SYNPO: variants seen among roughly 807,000 people sequenced by gnomAD.
SYNPO encodes synaptopodin.
In SYNPO, 19 loss-of-function variants were observed where a neutral mutation model predicts 49.5. The observed-to-expected ratio is 0.38, with a 90% CI of 0.27 to 0.56. The LOEUF (loss-of-function observed/expected upper bound fraction) is 0.56. SYNPO is among the 20% of genes least tolerant of loss of function. The probability of loss-of-function intolerance (pLI) is 0.68; values close to 1 mark genes in which losing one functional copy is unlikely to be tolerated. For missense variants in SYNPO, 1,131 were observed against 1,248.3 expected (o/e 0.91, Z 1.42); for synonymous variants, 536 against 548.0 (o/e 0.98, Z 0.31).
chr5:150,586,893 T>G, the SYNPO span, among the ~76,000 whole-genome samples: 1 of 152,152 alleles, frequency 6.6e-6, no homozygotes, highest in Non-Finnish European at 1.5e-5. Context: ...TATGTATATG[T>G]GGATTCATGG....
chr5:150,628,036 C>CTGTGTGTGTGTGTGTGTG (rs3062926), intron 2 of SYNPO, among the ~76,000 whole-genome samples: 39 of 142,038 alleles, frequency 2.7e-4, no homozygotes, highest in African/African-American at 1.1e-3. Flanking sequence ...GTGTGTGTTT[C>CTGTGTGTGTGTGTGTGTG]TGTGTGTGTG....
At chr5:150,618,049 G>A (rs1000162677) in intron 1 of SYNPO, 2 of 242,976 alleles carry the variant, frequency 8.2e-6, no homozygotes, top group Non-Finnish European at 1.6e-5. Flanking sequence ...AATTCAGCCT[G>A]GAACCCCAAG....
chr5:150,628,364 T>G (rs1757432256), intron 2 of SYNPO, among the ~76,000 whole-genome samples: 1 of 152,192 alleles, frequency 6.6e-6, no homozygotes, highest in Admixed American at 6.5e-5. Flanking sequence ...AGTCTACTCC[T>G]AAATTCTTGG....
the SYNPO span, among the ~76,000 whole-genome samples, chr5:150,591,268 T>A: frequency 6.6e-6 from 1 of 152,204 alleles, no homozygotes; most frequent in Non-Finnish European, 1.5e-5. Context: ...TAACAGCCCC[T>A]CTGAAGCTGA....
In SYNPO at chr5:150,648,618, C is replaced by G. The variant is rs764365021; in HGVS notation, c.343C>G (p.Gln115Glu). The change falls in exon 2 of 3, where the codon CAA (glutamine) becomes GAA (glutamate). Residue 115 changes from glutamine to glutamate, a missense_variant. Gln to Glu is a conservative substitution (Grantham distance 29, BLOSUM62 2). Around this residue, in one of 4 missense-constraint regions of SYNPO, gnomAD observed 602 missense variants for 720.7 expected, o/e 0.84. Transcript: ENST00000307662. This position sits in a 1 kb window ranked among gnomAD's most constrained non-coding sequence, Gnocchi z 5.0. ...ACAGAGCCTGCCACTTTCTAGCATC[C>G]AACAGAATTCCTCAGAGGCCCAACT... is the stretch of plus-strand genomic sequence containing the variant. ...VPQSLPLSSI[Q>E]QNSSEAQLPS... The G allele has an allele frequency of 1.7e-5, 27 of 1,614,124 alleles. No homozygotes were observed. The highest frequency in any genetic ancestry group is 4.0e-5 in the African/African-American group (3 of 74,940).
chr5:150,640,813 A>C lies in SYNPO; in HGVS notation c.-374A>C. On this transcript the variant is annotated 5_prime_UTR_variant, in exon 1 of 3. Coordinates refer to ENST00000307662, the MANE Select transcript of SYNPO (RefSeq NM_007286.6). ...GAACCAAGGCTTGAAGGCCGGCAGG[A>C]GCATCCAGGGGGAAGCTTGGCTTCA... 1 of 985,576 alleles carries C rather than the reference A, an allele frequency of 1.0e-6. No individual in the cohort carries two copies. The highest frequency in any genetic ancestry group is 1.2e-6 in the Non-Finnish European group (1 of 829,934). The allele number at this position is 985,576 out of a possible 1,614,324, so 61.1% of individuals were successfully genotyped here.
upstream of SYNPO, among the ~76,000 whole-genome samples, chr5:150,599,752 C>T (rs1367684501): frequency 2.6e-5 from 4 of 152,138 alleles, no homozygotes; most frequent in African/African-American, 9.7e-5. Context: ...CAGTGCTGGG[C>T]ACAGGCTTGA....
chr5:150,648,822 C>T lies in SYNPO; in HGVS notation c.547C>T (p.Pro183Ser), dbSNP rs780642811. Residue 183 changes from proline (P) to serine (S), a missense_variant, in exon 2 of 3, where the codon CCA (proline) becomes TCA (serine). This residue lies in a region of SYNPO where 602 missense variants were observed against 720.7 expected (regional missense o/e 0.84). Coordinates refer to ENST00000307662, the MANE Select transcript of SYNPO (RefSeq NM_007286.6). This position sits in a 1 kb window ranked among gnomAD's most constrained non-coding sequence, Gnocchi z 5.0. ...EATLIPSSRP[P>S]ASDFMSSSLL... The stretch of plus-strand genomic sequence containing the variant: ...TACGCTCATCCCCAGCTCCAGGCCC[C>T]CAGCCTCAGATTTCATGTCCAGCTC... The T allele has an allele frequency of 3.1e-6, 5 of 1,614,120 alleles. No homozygotes were observed. The African/African-American group carries it at 5.3e-5, about 17-fold the overall frequency.
intron 1 of SYNPO, among the ~76,000 whole-genome samples, chr5:150,615,705 G>A (rs1756966393): frequency 1.3e-5 from 2 of 152,224 alleles, no homozygotes; most frequent in African/African-American, 2.4e-5. Context: ...CAGAAATCTG[G>A]CAGCAGCTGG....
At chr5:150,651,456 C>A (rs926233546) in intron 2 of SYNPO, 3 of 1,000,400 alleles carry the variant, frequency 3.0e-6, no homozygotes, top group Non-Finnish European at 3.6e-6. Flanking sequence ...TTGTAAGTGA[C>A]AAGACAGTCC....
the SYNPO span, among the ~76,000 whole-genome samples, chr5:150,595,945 A>G: frequency 6.6e-6 from 1 of 152,032 alleles, no homozygotes; most frequent in Non-Finnish European, 1.5e-5. Context: ...CTCAAAGGAG[A>G]GAAGCATGGA....
upstream of SYNPO, among the ~76,000 whole-genome samples, chr5:150,636,107 A>T (rs1012028130): frequency 6.6e-6 from 1 of 152,086 alleles, no homozygotes; most frequent in Non-Finnish European, 1.5e-5. Flanking sequence ...AGAGATTTTA[A>T]TCTGTTTCCC....
chr5:150,610,729 A>G (rs1401568878), intron 1 of SYNPO, among the ~76,000 whole-genome samples: 1 of 152,220 alleles, frequency 6.6e-6, no homozygotes, highest in African/African-American at 2.4e-5. Flanking sequence ...CTCATTGCAT[A>G]TCATGTGTTT....
At chr5:150,599,768 G>A (rs1482541950), upstream of SYNPO, among the ~76,000 whole-genome samples, 1 of 152,188 alleles carries the variant, frequency 6.6e-6, no homozygotes, top group Non-Finnish European at 1.5e-5. Context: ...CTTGATTGTA[G>A]CAGGGACTCA....
chr5:150,620,899 C>CTCTCTTTCTTTCTT (rs1554108179), intron 2 of SYNPO, among the ~76,000 whole-genome samples: 36 of 108,920 alleles, frequency 3.3e-4, no homozygotes, highest in Non-Finnish European at 5.9e-4. Flanking sequence ...TTCTTTTTTT[C>CTCTCTTTCTTTCTT]TCTTTCTTTC....
At chr5:150,608,070 G>A (rs1046678713) in intron 1 of SYNPO, among the ~76,000 whole-genome samples, 2 of 152,224 alleles carry the variant, frequency 1.3e-5, no homozygotes, top group East Asian at 1.9e-4. Context: ...CGAGGCACTC[G>A]CTGTGGTATA....
the SYNPO span, among the ~76,000 whole-genome samples, chr5:150,593,383 G>C: frequency 3.3e-5 from 5 of 152,196 alleles, no homozygotes; most frequent in Non-Finnish European, 5.9e-5. Context: ...TCCCTTATTT[G>C]TTGTGCAGCT....
chr5:150,638,600 AG>A, upstream of SYNPO, among the ~76,000 whole-genome samples: 1 of 152,300 alleles, frequency 6.6e-6, no homozygotes, highest in Non-Finnish European at 1.5e-5. Context: ...ACATTTACAG[AG>A]GACAGAGACC....
intron 2 of SYNPO, chr5:150,650,913 T>A: frequency 8.0e-7 from 1 of 1,254,294 alleles, no homozygotes; most frequent in African/African-American, 1.5e-5. Flanking sequence ...CAGAGAGCTT[T>A]GCCTCGCCTC....
Sources: gnomAD v4.1 joint callset for allele counts (sites outside exome capture counted in the v4.1 genomes callset) on GRCh38, gnomAD v4.1.1 for gene constraint, gnomAD v4.1.1 regional missense constraint, Gnocchi (gnomAD v3.1) non-coding constraint, MANE v1.5 for transcripts, NCBI Gene and HGNC (gene_info 2026-07-23, HGNC 2026-07-21) for gene names.